BRWD1: variants seen among roughly 807,000 people sequenced by gnomAD.
The protein encoded by BRWD1 is bromodomain and WD repeat domain containing 1, also known as bromodomain and WD repeat-containing protein 1.
In BRWD1, 82 loss-of-function variants were observed where a neutral mutation model predicts 251.2. The ratio of observed to expected loss-of-function variants is 0.33; its 90% CI spans 0.27 to 0.39. The LOEUF (loss-of-function observed/expected upper bound fraction) is 0.39. BRWD1 is among the 10% of genes least tolerant of loss of function. The probability of loss-of-function intolerance (pLI) is 1.00; values close to 1 mark genes in which losing one functional copy is unlikely to be tolerated. For synonymous variants in BRWD1, 918 were observed against 902.8 expected, an observed-to-expected ratio of 1.02 and a Z score of -0.30; for missense variants, 2,233 against 2,711.6, an observed-to-expected ratio of 0.82 and a Z score of 3.92.
intron 21 of BRWD1, among the ~76,000 whole-genome samples, chr21:39,241,359 T>C (rs2033985499): frequency 6.6e-6 from 1 of 150,572 alleles, no homozygotes; most frequent in Non-Finnish European, 1.5e-5. Context: ...TCCCTGCTAC[T>C]TGGGAGGCTG....
intron 18 of BRWD1, among the ~76,000 whole-genome samples, chr21:39,256,094 T>C (rs139913997): frequency 8.7e-4 from 132 of 152,316 alleles, no homozygotes; most frequent in African/African-American, 3.1e-3. Context: ...GCTGGGATTA[T>C]AGGCATGAGC....
chr21:39,246,477 C>T lies in BRWD1; in HGVS notation c.2481+1224G>A, dbSNP rs113479761. 2.2e-4 allele frequency among the ~76,000 whole-genome samples: 34 copies of T among 152,266 alleles called. 1 individual carries two copies. Among genetic ancestry groups the T allele is most frequent in the African/African-American group, 7.7e-4 (32 of 41,556 alleles). On this transcript the variant is annotated intron_variant, in intron 21 of 40. Transcript: ENST00000342449. Reference sequence around the variant, plus strand: ...GTCCTCAAAAAGTTAAAACATAAAACTTGCCATACGACCCAGCATACCATC... The same window carrying T: ...GTCCTCAAAAAGTTAAAACATAAAATTTGCCATACGACCCAGCATACCATC...
upstream of BRWD1, among the ~76,000 whole-genome samples, chr21:39,317,377 GT>G: frequency 6.6e-6 from 1 of 152,344 alleles, no homozygotes; most frequent in East Asian, 1.9e-4. Flanking sequence ...AAGCTATAGG[GT>G]TGCATTTTCA....
chr21:39,199,380 T>C lies in BRWD1; in HGVS notation c.5036A>G (p.Glu1679Gly). ...VARKKLLHNS[E>G]DEQSLKSEIE... Reference sequence around the variant, plus strand: ...TTCTGACTTTAAGCTCTGTTCATCTTCAGAATTATGTAATAACTTTTTTCT... The same window carrying C: ...TTCTGACTTTAAGCTCTGTTCATCTCCAGAATTATGTAATAACTTTTTTCT... Residue 1679 changes from glutamate to glycine, a missense_variant, in exon 40 of 41, where the codon GAA (glutamate) becomes GGA (glycine). Glu to Gly is a moderately conservative substitution (Grantham distance 98, BLOSUM62 -2). Around this residue, in one of 12 missense-constraint regions of BRWD1, gnomAD observed 928 missense variants for 970.0 expected, o/e 0.96. Coordinates refer to ENST00000342449, the MANE Select transcript of BRWD1 (RefSeq NM_033656.4). The C allele has an allele frequency of 6.2e-7, 1 of 1,614,246 alleles. No homozygotes were observed. The highest frequency in any genetic ancestry group is 8.5e-7 in the Non-Finnish European group (1 of 1,180,044).
At chr21:39,222,434 A>G (rs2183575) in intron 29 of BRWD1, among the ~76,000 whole-genome samples, 141,120 of 152,238 alleles carry the variant, frequency 0.93, 65,755 homozygotes, top group African/African-American at 0.97. Flanking sequence ...AGCTGAGGTA[A>G]GGAAAGTACA....
Position 39,298,566 on chromosome 21 carries a change from T to G in BRWD1, c.215A>C (p.His72Pro), listed in dbSNP as rs1444811766. ...SYEELVLSNK[H>P]VAPDHLLQIC... ...TTGCAAAAGATGATCAGGAGCCACATGCTTATTGGACAAGACCTAGTTGGA... is the reference window on the plus strand; with the variant it reads ...TTGCAAAAGATGATCAGGAGCCACAGGCTTATTGGACAAGACCTAGTTGGA... Residue 72 changes from histidine to proline, a missense_variant, in exon 5 of 41, where the codon CAT becomes CCT. Transcript: ENST00000342449. 6.3e-7 allele frequency: 1 copy of G among 1,599,326 alleles called. No individual in the cohort carries two copies. The highest frequency in any genetic ancestry group is 8.5e-7 in the Non-Finnish European group (1 of 1,174,858).
chr21:39,309,099 G>A (rs541051352), intron 4 of BRWD1, among the ~76,000 whole-genome samples: 293 of 150,978 alleles, frequency 1.9e-3, no homozygotes, highest in Non-Finnish European at 3.6e-3. Context: ...GCTTGAACCC[G>A]GGAGGCAGAG....
intron 8 of BRWD1, among the ~76,000 whole-genome samples, chr21:39,285,870 A>AC (rs2035617264): frequency 1.2e-5 from 1 of 82,280 alleles, no homozygotes; most frequent in Non-Finnish European, 2.7e-5. Context: ...AGCCCAGTCA[A>AC]CAAAAAAAAA....
Position 39,196,249 on chromosome 21 carries a change from T to TC in BRWD1, c.*9dup. On this transcript the variant is annotated 3_prime_UTR_variant, in exon 41 of 41. Transcript: ENST00000342449. ...CATTTCCTCTTAAATGAACTGGCTT[T>TC]CCCTCAAGGTCATAAGGTGCAACCA... 6.4e-7 allele frequency: 1 copy of TC among 1,551,378 alleles called. No individual in the cohort carries two copies. Among genetic ancestry groups the TC allele is most frequent in the East Asian group, 2.3e-5 (1 of 44,068 alleles).
upstream of BRWD1, among the ~76,000 whole-genome samples, chr21:39,316,717 C>T (rs977304787): frequency 1.2e-4 from 19 of 152,302 alleles, no homozygotes; most frequent in African/African-American, 4.6e-4. Context: ...GGCCAGAGGA[C>T]TGCTTGAGCC....
intron 37 of BRWD1, among the ~76,000 whole-genome samples, chr21:39,204,156 A>G (rs1345428537): frequency 7.3e-6 from 1 of 137,102 alleles, no homozygotes; most frequent in Non-Finnish European, 1.6e-5. Context: ...TCCATCTCAA[A>G]AAAAAAAAAA....
At chr21:39,199,894 G>A (rs1264490684) in intron 39 of BRWD1, among the ~76,000 whole-genome samples, 1 of 152,152 alleles carries the variant, frequency 6.6e-6, no homozygotes, top group Non-Finnish European at 1.5e-5. Flanking sequence ...GGGATTACAA[G>A]CACCAGTCAC....
chr21:39,212,741 G>C, intron 33 of BRWD1, 34 bp from the exon 34 acceptor site: 1 of 1,391,736 alleles, frequency 7.2e-7, no homozygotes, highest in Non-Finnish European at 1.0e-6. Flanking sequence ...TAAGTATTTA[G>C]AGTCTCATTA....
intron 1 of BRWD1, among the ~76,000 whole-genome samples, chr21:39,319,012 T>C (rs1882779): frequency 0.62 from 94,729 of 152,014 alleles, 29,814 homozygotes; most frequent in African/African-American, 0.68. Flanking sequence ...GTCTTGGCCT[T>C]CCAAAGTGCT....
intron 27 of BRWD1, among the ~76,000 whole-genome samples, chr21:39,225,590 AAC>A (rs2033350602): frequency 6.6e-6 from 1 of 152,328 alleles, no homozygotes; most frequent in South Asian, 2.1e-4. Flanking sequence ...GATATAGATC[AAC>A]AGTTCTTTTC....
In BRWD1 at chr21:39,202,319, T is replaced by G. The variant is rs376071997; in HGVS notation, c.4585+6A>C. The G allele has an allele frequency of 7.5e-6, 12 of 1,599,070 alleles. No homozygotes were observed. Among genetic ancestry groups the G allele is most frequent in the Non-Finnish European group, 1.0e-5 (12 of 1,168,526 alleles). On this transcript the variant is annotated splice_donor_region_variant and intron_variant, in intron 38 of 40. Coordinates refer to ENST00000342449, the MANE Select transcript of BRWD1 (RefSeq NM_033656.4). The stretch of plus-strand genomic sequence containing the variant: ...CAAAGAAATAACATAGTATTTCACT[T>G]CTCACCAGATAATGTAGAACCATTT...
intron 38 of BRWD1, among the ~76,000 whole-genome samples, chr21:39,201,741 A>G (rs1164241633): frequency 6.6e-6 from 1 of 152,232 alleles, no homozygotes; most frequent in Non-Finnish European, 1.5e-5. Context: ...GTCCACTTCC[A>G]TTCCAAACTT....
At position 39,228,596 on chromosome 21, in the gene BRWD1, T is replaced by TA. The variant is rs760469559; in HGVS notation, c.3126-15dup. 5.2e-6 allele frequency: 8 copies of TA among 1,540,038 alleles called. No individual in the cohort carries two copies. In the South Asian group the frequency reaches 9.0e-5, roughly 17 times the overall value. The stretch of plus-strand genomic sequence containing the variant: ...ATATCATGATATCTAGACAAAAATT[T>TA]AAAAAATTGTTAAACTCTCTACATA... On this transcript the variant is annotated splice_polypyrimidine_tract_variant and intron_variant, in intron 26 of 40. Coordinates refer to ENST00000342449, the MANE Select transcript of BRWD1 (RefSeq NM_033656.4).
intron 8 of BRWD1, among the ~76,000 whole-genome samples, chr21:39,288,427 C>G (rs1217164481): frequency 6.6e-6 from 1 of 152,126 alleles, no homozygotes; most frequent in Non-Finnish European, 1.5e-5. Context: ...GAGTACCTCC[C>G]CCAAGTTTTA....
Sources: gnomAD v4.1 joint callset for allele counts (sites outside exome capture counted in the v4.1 genomes callset) on GRCh38, gnomAD v4.1.1 for gene constraint, gnomAD v4.1.1 regional missense constraint, MANE v1.5 for transcripts, NCBI Gene and HGNC (gene_info 2026-07-23, HGNC 2026-07-21) for gene names.